Variants in ACP7 observed in about 807,000 individuals in gnomAD.
The protein encoded by ACP7 is acid phosphatase 7, tartrate resistant (putative).
Under a neutral mutation model 60.6 loss-of-function variants are expected in ACP7, and 58 were observed. That is an observed-to-expected ratio of 0.96 (90% CI 0.77 to 1.19). The LOEUF (loss-of-function observed/expected upper bound fraction) is 1.19, where lower values mean the gene tolerates loss of function less well. Among genes scored for constraint, ACP7 ranks in the 50% most tolerant of loss-of-function variants. ACP7 has a pLI of 0.00. For synonymous variants in ACP7, 237 were observed against 232.6 expected, an observed-to-expected ratio of 1.02 and a Z score of -0.17; for missense variants, 574 against 596.2, an observed-to-expected ratio of 0.96 and a Z score of 0.39.
At chr19:39,087,466 C>T (rs889131965) in intron 2 of ACP7, among the ~76,000 whole-genome samples, 2 of 151,866 alleles carry the variant, frequency 1.3e-5, no homozygotes, top group Admixed American at 1.3e-4. Context: ...AGAAAAGTTG[C>T]TTGTTTTTTG....
rs2073340829 is a variant in ACP7 at position 39,101,227 on chromosome 19, C to T, written c.973+20C>T. Reference sequence around the variant, plus strand: ...AATATGGTGAGCGACCCTCAGGACCCATGCCCCACACCCCACCTCTCCCCA... The same window carrying T: ...AATATGGTGAGCGACCCTCAGGACCTATGCCCCACACCCCACCTCTCCCCA... On this transcript the variant is annotated intron_variant, in intron 9 of 12. Transcript: ENST00000331256. 6.2e-7 allele frequency: 1 copy of T among 1,614,232 alleles called. No homozygotes were observed. Among genetic ancestry groups the T allele is most frequent in the South Asian group, 1.1e-5 (1 of 91,090 alleles).
intron 2 of ACP7, among the ~76,000 whole-genome samples, chr19:39,089,976 T>C (rs1265106950): frequency 2.6e-5 from 4 of 152,296 alleles, no homozygotes; most frequent in African/African-American, 9.6e-5. Context: ...ATAAATATCT[T>C]GAGGGAGATG....
In ACP7 at chr19:39,094,545, C is replaced by T. The variant is rs1600257851; in HGVS notation, c.122-3913C>T. 2.6e-5 allele frequency among the ~76,000 whole-genome samples: 4 copies of T among 151,396 alleles called. No homozygotes were observed. In the South Asian group the frequency reaches 8.4e-4, roughly 32 times the overall value. ...TGTGTTCTAGAAGTCAATAGAAAAG[C>T]CGGGCACATGTTCACGCCTGTAATC... On this transcript the variant is annotated intron_variant, in intron 2 of 12. Transcript: ENST00000331256.
intron 11 of ACP7, among the ~76,000 whole-genome samples, chr19:39,106,315 G>A (rs369905850): frequency 5.7e-4 from 87 of 152,016 alleles, no homozygotes; most frequent in African/African-American, 1.9e-3. Context: ...GTATCACCCC[G>A]CTTCCCTGCT....
intron 2 of ACP7, among the ~76,000 whole-genome samples, chr19:39,089,857 GGCTGTGACTTATT>G (rs985586382): frequency 6.6e-6 from 1 of 152,214 alleles, no homozygotes; most frequent in African/African-American, 2.4e-5. Context: ...ATCAAGATGT[GGCTGTGACTTATT>G]GCTGTGACTT....
rs1436529966 is a variant in ACP7, at chr19:39,093,177, T to C, written c.122-5281T>C. Among the ~76,000 whole-genome samples, 2 of 132,638 alleles carry C rather than the reference T, an allele frequency of 1.5e-5. 1 individual carries two copies. The highest frequency in any genetic ancestry group is 3.3e-5 in the Non-Finnish European group (2 of 61,516). The allele number at this position is 132,638 out of a possible 152,430, so 87.0% of individuals were successfully genotyped here. A position where few individuals can be genotyped will look rare whatever the true frequency, so the allele number is the denominator to read the frequency against. On this transcript the variant is annotated intron_variant, in intron 2 of 12. Transcript: ENST00000331256. ...CTTTCTCTTTCTTTCTTTCTCTCCT[T>C]CCTTCCTTCCTTCTTTCTTTGTTTC...
chr19:39,100,611 A>G lies in ACP7; in HGVS notation c.661A>G (p.Met221Val). 6.2e-7 allele frequency: 1 copy of G among 1,614,008 alleles called. No homozygotes were observed. Among genetic ancestry groups the G allele is most frequent in the Non-Finnish European group, 8.5e-7 (1 of 1,179,984 alleles). ...CTCTAACTACAAGGCTCGCTTCAGC[A>G]TGCCGGGGGATAATGAGGGCCTGTG... ...NFSNYKARFS[M>V]PGDNEGLWYS... The change falls in exon 6 of 13, where the codon ATG (methionine) becomes GTG (valine). Residue 221 changes from methionine (M) to valine (V), a missense_variant. Met to Val is a conservative substitution (Grantham distance 21). Coordinates refer to ENST00000331256, the MANE Select transcript of ACP7 (RefSeq NM_001004318.3).
At chr19:39,092,226 T>C (rs2073211257) in intron 2 of ACP7, among the ~76,000 whole-genome samples, 1 of 152,042 alleles carries the variant, frequency 6.6e-6, no homozygotes, top group South Asian at 2.1e-4. Context: ...TACAAAAAAT[T>C]AGCCATGTGT....
Position 39,107,034 on chromosome 19 carries a change from C to T in ACP7, c.1201C>T (p.His401Tyr). The change falls in exon 12 of 13, where the codon CAC (histidine) becomes TAC (tyrosine). Residue 401 changes from histidine (H) to tyrosine (Y), a missense_variant. His to Tyr is a moderately conservative substitution (Grantham distance 83). Coordinates refer to ENST00000331256, the MANE Select transcript of ACP7 (RefSeq NM_001004318.3). ...GAAGGAGTACGGGTATACGCGGCTG[C>T]ACATCCTCAACGGGACCCACATCCA... is the stretch of plus-strand genomic sequence containing the variant. The part of the protein sequence containing the change: ...RVKEYGYTRL[H>Y]ILNGTHIHIQ... 1.9e-6 allele frequency: 3 copies of T among 1,614,136 alleles called. No homozygotes were observed. Among genetic ancestry groups the T allele is most frequent in the South Asian group, 1.1e-5 (1 of 91,088 alleles).
intron 11 of ACP7, among the ~76,000 whole-genome samples, chr19:39,103,439 G>GTGTTTT (rs1568483106): frequency 1.7e-5 from 1 of 58,224 alleles, no homozygotes. Flanking sequence ...GGATCATCAT[G>GTGTTTT]TGTTTTTTTT....
intron 2 of ACP7, among the ~76,000 whole-genome samples, chr19:39,089,256 T>C (rs2073178496): frequency 1.3e-5 from 2 of 151,820 alleles, no homozygotes; most frequent in Admixed American, 1.3e-4. Flanking sequence ...TCAGTAGAGA[T>C]GGGGTTTCAC....
chr19:39,110,496 C>T lies in ACP7; in HGVS notation c.*378C>T. 5.6e-6 allele frequency: 1 copy of T among 179,568 alleles called. No individual in the cohort carries two copies. Among genetic ancestry groups the T allele is most frequent in the Non-Finnish European group, 1.2e-5 (1 of 85,642 alleles). 11.1% of individuals were successfully genotyped at this position (179,568 alleles called of 1,614,324 possible). A position where few individuals can be genotyped will look rare whatever the true frequency, so the allele number is the denominator to read the frequency against. ...GGGGGATGCCGCTGGGCTTCCTCCT[C>T]TCCTGCCCACCTGGCAAGGGCATCG... On this transcript the variant is annotated 3_prime_UTR_variant, in exon 13 of 13. Coordinates refer to ENST00000331256, the MANE Select transcript of ACP7 (RefSeq NM_001004318.3).
chr19:39,107,578 C>CAAA (rs34130688), intron 12 of ACP7, among the ~76,000 whole-genome samples: 1,164 of 81,168 alleles, frequency 0.014, 20 homozygotes, highest in African/African-American at 0.053. Context: ...GACTCTGTCT[C>CAAA]AAAAAAAAAA....
At chr19:39,087,632 G>GTTTTTT (rs58068960) in intron 2 of ACP7, among the ~76,000 whole-genome samples, 5 of 131,532 alleles carry the variant, frequency 3.8e-5, no homozygotes, top group African/African-American at 5.9e-5. Flanking sequence ...AGCTAATTTT[G>GTTTTTT]TTTTTTTTTT....
chr19:39,110,375 C>T lies in ACP7; in HGVS notation c.*257C>T. ...CACGGCAGGTTTCTGCTGGCAGGGC[C>T]CCACCCTCCTGCATAGCTCTGATCG... On this transcript the variant is annotated 3_prime_UTR_variant, in exon 13 of 13. Coordinates refer to ENST00000331256, the MANE Select transcript of ACP7 (RefSeq NM_001004318.3). 3.8e-6 allele frequency: 2 copies of T among 520,116 alleles called. No homozygotes were observed. The highest frequency in any genetic ancestry group is 3.6e-5 in the Admixed American group (1 of 28,134). The allele number at this position is 520,116 out of a possible 1,614,324, so 32.2% of individuals were successfully genotyped here.
rs1031168982 is a variant in ACP7, at chr19:39,100,950, A to C, written c.809A>C (p.Lys270Thr). 1.9e-6 allele frequency: 3 copies of C among 1,613,010 alleles called. No individual in the cohort carries two copies. In the South Asian group the frequency reaches 3.3e-5, roughly 18 times the overall value. The change falls in exon 8 of 13, where the codon AAA becomes ACA. Residue 270 changes from lysine (K) to threonine (T), a missense_variant and splice_region_variant. By Grantham distance (78) the Lys-to-Thr change is moderately conservative. Coordinates refer to ENST00000331256, the MANE Select transcript of ACP7 (RefSeq NM_001004318.3). The stretch of plus-strand genomic sequence containing the variant: ...CTCACCCTGGGCCCTTCTCCCTAGA[A>C]AGCCAATAAGAACCGGGCAGCCCGG... ...QFRWLESDLQ[K>T]ANKNRAARPW...
intron 2 of ACP7, among the ~76,000 whole-genome samples, chr19:39,086,644 G>T (rs7250677): frequency 2.1e-4 from 26 of 126,028 alleles, no homozygotes; most frequent in African/African-American, 4.0e-4. Context: ...AAAAAAAAGG[G>T]GGGGGGGAGG....
In ACP7 at chr19:39,100,652, G is replaced by A. The variant is rs202214139; in HGVS notation, c.692+10G>A. ...AGGGCCTGTGGTACAGGTAATGTGG[G>A]GGTGCTGGGGGACTGGCCCTCTCCC... On this transcript the variant is annotated intron_variant, in intron 6 of 12. Coordinates refer to ENST00000331256, the MANE Select transcript of ACP7 (RefSeq NM_001004318.3). 1.2e-6 allele frequency: 2 copies of A among 1,613,906 alleles called. No individual in the cohort carries two copies. Among genetic ancestry groups the A allele is most frequent in the Non-Finnish European group, 1.7e-6 (2 of 1,179,862 alleles).
intron 11 of ACP7, among the ~76,000 whole-genome samples, chr19:39,104,485 T>C (rs914605294): frequency 2.0e-5 from 3 of 152,204 alleles, no homozygotes; most frequent in African/African-American, 7.2e-5. Context: ...TGAAATAGAA[T>C]GCTGTGAGCA....
Sources: allele counts gnomAD v4.1 joint callset (sites outside exome capture counted in the v4.1 genomes callset), GRCh38; gene constraint gnomAD v4.1.1; transcripts MANE v1.5; gene names NCBI Gene and HGNC (gene_info 2026-07-23, HGNC 2026-07-21).